BMPR2: variants seen among roughly 807,000 people sequenced by gnomAD.
The protein encoded by BMPR2 is bone morphogenetic protein receptor type-2.
BMPR2 carries 29 observed loss-of-function variants against 100.8 expected under a neutral mutation model. The ratio of observed to expected loss-of-function variants is 0.29; its 90% CI spans 0.21 to 0.39. The LOEUF (loss-of-function observed/expected upper bound fraction) is 0.39, where lower values mean the gene tolerates loss of function less well. Among genes scored for constraint, BMPR2 ranks in the 10% least tolerant of loss-of-function variants. The probability of loss-of-function intolerance (pLI) is 1.00; values close to 1 mark genes in which losing one functional copy is unlikely to be tolerated. For synonymous variants in BMPR2, 382 were observed against 442.3 expected (o/e 0.86, Z 1.71); for missense variants, 1,011 against 1,274.5 (o/e 0.79, Z 3.15).
In BMPR2 at chr2:202,485,446, A is replaced by G. The variant is rs183638692; in HGVS notation, c.418+17757A>G. On this transcript the variant is annotated intron_variant, in intron 3 of 12. Transcript: ENST00000374580. ...TAGCTTTGACAGGTTTCAGTAAATC[A>G]TTGGTGTTCCTCGGTTTGTAGCTGC... Among the ~76,000 whole-genome samples, 394 of 149,964 alleles carry G rather than the reference A, an allele frequency of 2.6e-3. 1 individual carries two copies. The highest frequency in any genetic ancestry group is 9.3e-3 in the African/African-American group (380 of 40,754).
chr2:202,481,899 A>G (rs1160507567), intron 3 of BMPR2, among the ~76,000 whole-genome samples: 1 of 152,212 alleles, frequency 6.6e-6, no homozygotes, highest in African/African-American at 2.4e-5. Context: ...ACAGTTCAGT[A>G]TAGTTCCTAT....
At position 202,467,499 on chromosome 2, in the gene BMPR2, G is replaced by C. The variant is rs1447181326; in HGVS notation, c.248-20G>C. 2 of 1,530,046 alleles carry C rather than the reference G, an allele frequency of 1.3e-6. No individual in the cohort carries two copies. The highest frequency in any genetic ancestry group is 9.0e-7 in the Non-Finnish European group (1 of 1,105,484). The allele number at this position is 1,530,046 out of a possible 1,614,324, so 94.8% of individuals were successfully genotyped here. A position where few individuals can be genotyped will look rare whatever the true frequency, so the allele number is the denominator to read the frequency against. ...TCTTTATCATATTGTCTCCTTTTTTGTATTCATATTGATTTATAGGATGTT... is the reference window on the plus strand; with the variant it reads ...TCTTTATCATATTGTCTCCTTTTTTCTATTCATATTGATTTATAGGATGTT... On this transcript the variant is annotated intron_variant, in intron 2 of 12. Transcript: ENST00000374580.
chr2:202,458,555 C>G (rs1178007622), intron 1 of BMPR2, among the ~76,000 whole-genome samples: 1 of 152,058 alleles, frequency 6.6e-6, no homozygotes, highest in Non-Finnish European at 1.5e-5. Context: ...TTGGCCTCTG[C>G]TGTATTCTGT....
chr2:202,456,498 C>T (rs1237216971), intron 1 of BMPR2, among the ~76,000 whole-genome samples: 1 of 150,252 alleles, frequency 6.7e-6, no homozygotes, highest in Non-Finnish European at 1.5e-5. Context: ...ATTTATGTAG[C>T]ACTTTTCTTT....
At chr2:202,551,075 G>C (rs1490026418) in intron 10 of BMPR2, among the ~76,000 whole-genome samples, 2 of 148,544 alleles carry the variant, frequency 1.3e-5, no homozygotes, top group African/African-American at 5.0e-5. Flanking sequence ...TCCTGCCTCA[G>C]CATCCCAAAT....
chr2:202,419,522 A>G (rs1424716307), intron 1 of BMPR2, among the ~76,000 whole-genome samples: 1 of 151,764 alleles, frequency 6.6e-6, no homozygotes, highest in East Asian at 1.9e-4. Flanking sequence ...ATGCTTGGCT[A>G]CTTTTTGTAT....
intron 1 of BMPR2, among the ~76,000 whole-genome samples, chr2:202,458,686 C>A (rs1692169683): frequency 6.6e-6 from 1 of 151,988 alleles, no homozygotes; most frequent in South Asian, 2.1e-4. Flanking sequence ...AGATGGCTTT[C>A]TTTTTATTTG....
intron 7 of BMPR2, chr2:202,520,520 T>TA (rs1328909735): frequency 5.5e-6 from 2 of 360,384 alleles, no homozygotes. Context: ...TGGCAGTTTC[T>TA]ACAGAAACAA....
intron 1 of BMPR2, among the ~76,000 whole-genome samples, chr2:202,431,269 T>A (rs911339265): frequency 4.0e-5 from 6 of 150,674 alleles, no homozygotes; most frequent in African/African-American, 7.5e-5. Context: ...AATACAAAAA[T>A]TGCTCCCTCT....
intron 8 of BMPR2, among the ~76,000 whole-genome samples, chr2:202,531,830 C>T (rs924915469): frequency 6.8e-6 from 1 of 146,164 alleles, no homozygotes; most frequent in African/African-American, 2.5e-5. Flanking sequence ...CGAGGTTTCT[C>T]CATGTTAGGG....
intron 3 of BMPR2, among the ~76,000 whole-genome samples, chr2:202,510,898 C>G (rs1489311485): frequency 6.6e-6 from 1 of 151,596 alleles, no homozygotes; most frequent in African/African-American, 2.4e-5. Context: ...TCAGGCTGGT[C>G]TCAAACCCCT....
chr2:202,484,440 C>T (rs994742836), intron 3 of BMPR2, among the ~76,000 whole-genome samples: 5 of 151,354 alleles, frequency 3.3e-5, no homozygotes, highest in Admixed American at 1.3e-4. Flanking sequence ...TTTGGGAGGC[C>T]GAGGCGGGTG....
intron 1 of BMPR2, among the ~76,000 whole-genome samples, chr2:202,463,504 G>A (rs1051752510): frequency 2.0e-5 from 3 of 152,136 alleles, no homozygotes; most frequent in African/African-American, 7.2e-5. Context: ...TATGAATTAA[G>A]CCATACTAAA....
Position 202,560,737 on chromosome 2 carries a change from T to A in BMPR2, c.*791T>A, listed in dbSNP as rs887094028. The A allele has an allele frequency of 6.6e-6, 1 of 152,632 alleles. No homozygotes were observed. The highest frequency in any genetic ancestry group is 1.5e-5 in the Non-Finnish European group (1 of 68,026). 9.5% of individuals were successfully genotyped at this position (152,632 alleles called of 1,614,324 possible). On this transcript the variant is annotated 3_prime_UTR_variant, in exon 13 of 13. Coordinates refer to ENST00000374580, the MANE Select transcript of BMPR2 (RefSeq NM_001204.7). ...CTTTTAACCTTCCAAATCCTAAATGTTTCCTTCAAGGCATCTTAATAAACT... is the reference window on the plus strand; with the variant it reads ...CTTTTAACCTTCCAAATCCTAAATGATTCCTTCAAGGCATCTTAATAAACT...
chr2:202,402,307 A>G (rs1690781401), intron 1 of BMPR2, among the ~76,000 whole-genome samples: 1 of 152,036 alleles, frequency 6.6e-6, no homozygotes, highest in Non-Finnish European at 1.5e-5. Flanking sequence ...TCACAAGGTC[A>G]GGAGTTCAAG....
rs573395634 is a variant in BMPR2 at position 202,506,180 on chromosome 2, A to G, written c.419-7539A>G. Among the ~76,000 whole-genome samples the G allele has an allele frequency of 6.2e-4, 93 of 150,012 alleles. 1 individual carries two copies. The South Asian group carries it at 6.7e-3, about 11-fold the overall frequency. On this transcript the variant is annotated intron_variant, in intron 3 of 12. Coordinates refer to ENST00000374580, the MANE Select transcript of BMPR2 (RefSeq NM_001204.7). ...TTTTAATTAATTAATTTTTTTTTTGAGACAGAGTCTCACTCACCCAGGCTG... is the reference window on the plus strand; with the variant it reads ...TTTTAATTAATTAATTTTTTTTTTGGGACAGAGTCTCACTCACCCAGGCTG...
intron 7 of BMPR2, among the ~76,000 whole-genome samples, chr2:202,524,060 G>A (rs1020607409): frequency 1.3e-5 from 2 of 151,964 alleles, no homozygotes; most frequent in Non-Finnish European, 1.5e-5. Context: ...AGAGGGGCAA[G>A]GGCTAAAAAC....
At chr2:202,445,487 A>C (rs993131395) in intron 1 of BMPR2, among the ~76,000 whole-genome samples, 3 of 150,288 alleles carry the variant, frequency 2.0e-5, no homozygotes, top group African/African-American at 5.0e-5. Context: ...TCAGCCTCCC[A>C]AAGTGCTGGG....
At chr2:202,394,112 G>A (rs986149023) in intron 1 of BMPR2, among the ~76,000 whole-genome samples, 4 of 152,176 alleles carry the variant, frequency 2.6e-5, no homozygotes, top group South Asian at 4.1e-4. Flanking sequence ...CACTTTGGGA[G>A]GATGAGGCAG....
Sources: allele counts gnomAD v4.1 joint callset (sites outside exome capture counted in the v4.1 genomes callset), GRCh38; gene constraint gnomAD v4.1.1; transcripts MANE v1.5; gene names NCBI Gene and HGNC (gene_info 2026-07-23, HGNC 2026-07-21).